Variants in CIT observed in about 807,000 individuals in gnomAD.
CIT encodes the protein citron rho-interacting serine/threonine kinase, also known as citron Rho-interacting kinase.
In CIT, 79 loss-of-function variants were observed where a neutral mutation model predicts 272.7. That is an observed-to-expected ratio of 0.29 (90% confidence interval 0.24 to 0.35). The LOEUF is 0.35. Ranked by LOEUF, CIT falls within the 10% of genes least tolerant of loss-of-function variation. The pLI is 1.00. For synonymous variants in CIT, 948 were observed against 995.6 expected, an observed-to-expected ratio of 0.95 and a Z score of 0.90; for missense variants, 1,909 against 2,618.3, an observed-to-expected ratio of 0.73 and a Z score of 5.91.
At chr12:119,734,870 T>C (rs1402888714) in intron 25 of CIT, among the ~76,000 whole-genome samples, 1 of 152,098 alleles carries the variant, frequency 6.6e-6, no homozygotes, top group Non-Finnish European at 1.5e-5. Context: ...AGACTGATCC[T>C]GAACTCCTGG....
At chr12:119,779,965 G>A (rs117995009) in intron 13 of CIT, among the ~76,000 whole-genome samples, 1 of 152,208 alleles carries the variant, frequency 6.6e-6, no homozygotes, top group Non-Finnish European at 1.5e-5. Flanking sequence ...AGCTGAGAGA[G>A]AGCTGTGGTA....
chr12:119,810,595 C>T (rs570336448), intron 9 of CIT, among the ~76,000 whole-genome samples: 2 of 150,836 alleles, frequency 1.3e-5, no homozygotes, highest in Non-Finnish European at 2.9e-5. Context: ...CTCAGCTACT[C>T]GGGAGGCTGA....
chr12:119,839,800 CTT>C (rs984407177), intron 5 of CIT, among the ~76,000 whole-genome samples: 1 of 152,138 alleles, frequency 6.6e-6, no homozygotes, highest in Non-Finnish European at 1.5e-5. Flanking sequence ...GAAAAATAAA[CTT>C]GGGATGATGA....
chr12:119,867,209 A>T (rs1279094969), intron 3 of CIT, among the ~76,000 whole-genome samples: 5 of 151,494 alleles, frequency 3.3e-5, no homozygotes, highest in Non-Finnish European at 7.4e-5. Flanking sequence ...TTTTTTTTTA[A>T]GACAGAGTCT....
At chr12:119,859,874 A>T (rs985959749) in intron 3 of CIT, among the ~76,000 whole-genome samples, 3 of 151,432 alleles carry the variant, frequency 2.0e-5, no homozygotes, top group Non-Finnish European at 4.4e-5. Context: ...TGGTGAAATC[A>T]TAGAATCATA....
At chr12:119,707,790 G>A (rs1002007418) in intron 40 of CIT, among the ~76,000 whole-genome samples, 2 of 152,152 alleles carry the variant, frequency 1.3e-5, no homozygotes, top group African/African-American at 2.4e-5. Flanking sequence ...ATGAGCCACC[G>A]CGCCCGGCCA....
In CIT at chr12:119,745,382, A is replaced by AAAAAAC. The variant is rs1256826264; in HGVS notation, c.2905-2919_2905-2918insGTTTTT. Among the ~76,000 whole-genome samples, 748 of 136,590 alleles carry AAAAAAC rather than the reference A, an allele frequency of 5.5e-3. 30 individuals carry two copies. The highest frequency in any genetic ancestry group is 9.7e-3 in the Non-Finnish European group (617 of 63,680). The allele number at this position is 136,590 out of a possible 152,430, so 89.6% of individuals were successfully genotyped here. On this transcript the variant is annotated intron_variant, in intron 23 of 47. Coordinates refer to ENST00000392521, the MANE Select transcript of CIT (RefSeq NM_001206999.2). Reference sequence around the variant, plus strand: ...AAAACAGAAGAAACAAGCAAAAAAAAAAAAAAAAAAAAAAAACACCTGTCC... The same window carrying AAAAAAC: ...AAAACAGAAGAAACAAGCAAAAAAAAAAAAACAAAAAAAAAAAAAAAACACCTGTCC...
In CIT at chr12:119,784,217, T is replaced by G. The variant is rs917531716; in HGVS notation, c.1402-166A>C. ...TGTTTCTTCGCCCAGGAGCGCACAG[T>G]TCTTCGTTAAGGACAGTCACCAAAT... On this transcript the variant is annotated intron_variant, in intron 11 of 47. Coordinates refer to ENST00000392521, the MANE Select transcript of CIT (RefSeq NM_001206999.2). The surrounding 1 kb of genome is among the most constrained non-coding windows in gnomAD (Gnocchi z 4.7). 4 of 1,601,540 alleles carry G rather than the reference T, an allele frequency of 2.5e-6. No individual in the cohort carries two copies. In the African/African-American group the frequency reaches 4.0e-5, roughly 16 times the overall value.
intron 22 of CIT, among the ~76,000 whole-genome samples, chr12:119,754,644 T>C (rs1960706859): frequency 6.6e-6 from 1 of 152,182 alleles, no homozygotes; most frequent in South Asian, 2.1e-4. Context: ...CGGATCAAAC[T>C]CCAGGTGGAG....
intron 44 of CIT, among the ~76,000 whole-genome samples, chr12:119,700,488 T>C (rs1956495505): frequency 6.6e-6 from 1 of 152,146 alleles, no homozygotes; most frequent in Admixed American, 6.5e-5. Flanking sequence ...GTTCAAGCAA[T>C]TCTCCTGCCT....
chr12:119,695,359 G>A (rs1293364788), intron 46 of CIT, among the ~76,000 whole-genome samples: 4 of 152,252 alleles, frequency 2.6e-5, no homozygotes, highest in Middle Eastern at 3.4e-3. Context: ...CCTGCCTAGC[G>A]ACGCTCCGTG....
chr12:119,842,738 A>G (rs140674500), intron 5 of CIT, among the ~76,000 whole-genome samples: 228 of 152,330 alleles, frequency 1.5e-3, no homozygotes, highest in African/African-American at 5.2e-3. Flanking sequence ...ATTTCCTTGC[A>G]CTGCATTCCA....
chr12:119,758,144 T>C (rs1961275864), intron 21 of CIT, among the ~76,000 whole-genome samples: 1 of 152,170 alleles, frequency 6.6e-6, no homozygotes, highest in South Asian at 2.1e-4. Flanking sequence ...ATTCTAATTC[T>C]CTGGGGGAAA....
chr12:119,813,350 TC>T (rs1966876584), intron 9 of CIT, among the ~76,000 whole-genome samples: 1 of 152,192 alleles, frequency 6.6e-6, no homozygotes. Context: ...AGAAATCATT[TC>T]CAAACTCTCA....
rs924494751 is a variant in CIT, at chr12:119,697,544, G to A, written c.5882+115C>T. 6.3e-6 allele frequency: 7 copies of A among 1,108,488 alleles called. No homozygotes were observed. Among genetic ancestry groups the A allele is most frequent in the African/African-American group, 6.2e-5 (4 of 64,088 alleles). 68.7% of individuals were successfully genotyped at this position (1,108,488 alleles called of 1,614,324 possible). A position where few individuals can be genotyped will look rare whatever the true frequency, so the allele number is the denominator to read the frequency against. ...CAGATCGCAAACAAATGAATGGTTT[G>A]AGCTTAAGAACAAAGTGAAGATTGG... On this transcript the variant is annotated intron_variant, in intron 46 of 47. Coordinates refer to ENST00000392521, the MANE Select transcript of CIT (RefSeq NM_001206999.2). The surrounding 1 kb of genome is among the most constrained non-coding windows in gnomAD (Gnocchi z 4.9).
chr12:119,773,839 C>A (rs1393405603), intron 16 of CIT, among the ~76,000 whole-genome samples: 1 of 152,168 alleles, frequency 6.6e-6, no homozygotes, highest in Non-Finnish European at 1.5e-5. Context: ...GATGGAGACA[C>A]GTGTCCTCTC....
At chr12:119,801,014 TTC>T (rs1966152200) in intron 10 of CIT, among the ~76,000 whole-genome samples, 1 of 152,216 alleles carries the variant, frequency 6.6e-6, no homozygotes, top group Non-Finnish European at 1.5e-5. Context: ...AAGAAAATCT[TTC>T]TGATTCCAAC....
intron 10 of CIT, among the ~76,000 whole-genome samples, chr12:119,789,021 T>TG (rs1319307302): frequency 6.6e-6 from 1 of 152,098 alleles, no homozygotes; most frequent in Admixed American, 6.5e-5. Flanking sequence ...AGAGTAAAGG[T>TG]TATCAGGCTT....
intron 3 of CIT, among the ~76,000 whole-genome samples, chr12:119,860,108 G>A (rs762593894): frequency 9.9e-5 from 15 of 152,088 alleles, no homozygotes; most frequent in Non-Finnish European, 1.5e-4. Context: ...ATGAACCATC[G>A]CACTCAGCCT....
Sources: gnomAD v4.1 joint callset for allele counts (sites outside exome capture counted in the v4.1 genomes callset) on GRCh38, gnomAD v4.1.1 for gene constraint, Gnocchi (gnomAD v3.1) non-coding constraint, MANE v1.5 for transcripts, NCBI Gene and HGNC (gene_info 2026-07-23, HGNC 2026-07-21) for gene names.